COPS4: variants seen among roughly 807,000 people sequenced by gnomAD.
COPS4 encodes the protein COP9 signalosome subunit 4.
COPS4 carries 8 observed loss-of-function variants against 55.1 expected under a neutral mutation model. The observed-to-expected ratio is 0.15, with a 90% confidence interval of 0.09 to 0.26. The LOEUF is 0.26. Among genes scored for constraint, COPS4 ranks in the 10% least tolerant of loss-of-function variants. The pLI is 1.00. For synonymous variants in COPS4, 185 were observed against 165.7 expected (o/e 1.12, Z -0.90); for missense variants, 248 against 484.0 (o/e 0.51, Z 4.58).
At chr4:83,055,047 A>T (rs1730981605) in intron 4 of COPS4, among the ~76,000 whole-genome samples, 1 of 152,254 alleles carries the variant, frequency 6.6e-6, no homozygotes, top group South Asian at 2.1e-4. Flanking sequence ...ATTTGCATAA[A>T]TTTCTCCTCC....
chr4:83,035,688 T>G (rs979856046), intron 1 of COPS4: 1 of 177,916 alleles, frequency 5.6e-6, no homozygotes, highest in Non-Finnish European at 1.2e-5. Flanking sequence ...CTCCTCTTTT[T>G]TTTTGATTCA....
At chr4:83,036,126 A>G (rs1730410931) in intron 1 of COPS4, 2 of 152,180 alleles carry the variant, frequency 1.3e-5, no homozygotes, top group African/African-American at 4.8e-5. Context: ...ATGCCTCTCT[A>G]GGCCGGGTGC....
intron 6 of COPS4, among the ~76,000 whole-genome samples, chr4:83,059,809 G>A (rs566191917): frequency 4.5e-4 from 7 of 15,548 alleles, no homozygotes; most frequent in South Asian, 6.0e-3. Context: ...CCATTCTCCC[G>A]CCTCAGCCTC....
chr4:83,049,845 G>T, intron 3 of COPS4, 36 bp from the exon 4 acceptor site: 1 of 1,208,628 alleles, frequency 8.3e-7, no homozygotes, highest in Non-Finnish European at 1.2e-6. Context: ...ACTAATGTCA[G>T]TTGAAATAAT....
chr4:83,050,838 G>T (rs1368548725), intron 4 of COPS4, among the ~76,000 whole-genome samples: 1 of 152,124 alleles, frequency 6.6e-6, no homozygotes, highest in Admixed American at 6.6e-5. Context: ...AGTGAAATGA[G>T]GGGGAGCCAT....
intron 9 of COPS4, among the ~76,000 whole-genome samples, chr4:83,070,630 A>G (rs939121767): frequency 3.9e-5 from 6 of 152,046 alleles, no homozygotes; most frequent in African/African-American, 9.7e-5. Context: ...ATTTCTTACT[A>G]TCACCAACCT....
intron 1 of COPS4, among the ~76,000 whole-genome samples, chr4:83,037,699 G>T (rs1730461439): frequency 6.6e-6 from 1 of 151,558 alleles, no homozygotes; most frequent in Non-Finnish European, 1.5e-5. Flanking sequence ...GTTTTTGGGT[G>T]TTTTTTTTAG....
chr4:83,059,766 G>A (rs908526982), intron 6 of COPS4, among the ~76,000 whole-genome samples: 7 of 151,164 alleles, frequency 4.6e-5, no homozygotes, highest in African/African-American at 1.5e-4. Context: ...GCGCGATCTC[G>A]GCTCACTGCA....
At chr4:83,069,176 A>G (rs904776403) in intron 9 of COPS4, among the ~76,000 whole-genome samples, 6 of 152,132 alleles carry the variant, frequency 3.9e-5, no homozygotes, top group African/African-American at 1.2e-4. Flanking sequence ...CAGACAGGTA[A>G]GTGGATCCCT....
chr4:83,059,968 T>C (rs1301890948), intron 6 of COPS4, among the ~76,000 whole-genome samples: 1 of 152,092 alleles, frequency 6.6e-6, no homozygotes, highest in African/African-American at 2.4e-5. Flanking sequence ...TCCAAAGTGC[T>C]GGGATTACAG....
At chr4:83,066,649 T>C in intron 8 of COPS4, 96 bp downstream of exon 8, 1 of 628,258 alleles carries the variant, frequency 1.6e-6, no homozygotes. Flanking sequence ...CAACATTTAT[T>C]ATCTTCCAAC....
intron 4 of COPS4, among the ~76,000 whole-genome samples, chr4:83,052,523 C>T (rs79176073): frequency 4.8e-4 from 73 of 152,208 alleles, no homozygotes; most frequent in Non-Finnish European, 8.2e-4. Context: ...CTAGTTGTGA[C>T]AAGAAAAATG....
At chr4:83,045,513 C>A (rs1367272041) in intron 1 of COPS4, 113 bp from the exon 2 acceptor site, 8 of 758,658 alleles carry the variant, frequency 1.1e-5, no homozygotes, top group Non-Finnish European at 1.7e-5. Context: ...AAACCACAAA[C>A]TATAGTACTA....
chr4:83,043,893 A>G (rs1435468415), intron 1 of COPS4, among the ~76,000 whole-genome samples: 9 of 152,320 alleles, frequency 5.9e-5, no homozygotes, highest in African/African-American at 2.2e-4. Flanking sequence ...TTCTATCCGT[A>G]TATCTGCTTT....
At chr4:83,062,612 A>G (rs1406759074) in intron 6 of COPS4, among the ~76,000 whole-genome samples, 3 of 152,134 alleles carry the variant, frequency 2.0e-5, no homozygotes, top group African/African-American at 7.2e-5. Context: ...CCGTTCTGTT[A>G]CCAGTGATTT....
chr4:83,036,523 C>T (rs1024401666), intron 1 of COPS4, among the ~76,000 whole-genome samples: 7 of 152,094 alleles, frequency 4.6e-5, no homozygotes, highest in East Asian at 3.9e-4. Flanking sequence ...CTGCATTTTC[C>T]CACTCAGGAA....
intron 9 of COPS4, among the ~76,000 whole-genome samples, chr4:83,072,348 C>T (rs960132826): frequency 6.6e-6 from 1 of 152,212 alleles, no homozygotes; most frequent in African/African-American, 2.4e-5. Flanking sequence ...GATCAGCCTG[C>T]CTCAGCCTCC....
In COPS4 at chr4:83,075,802, T is replaced by C. The variant is rs1731557388; in HGVS notation, c.*372T>C. 6.1e-6 allele frequency: 1 copy of C among 164,940 alleles called. No homozygotes were observed. 10.2% of individuals were successfully genotyped at this position (164,940 alleles called of 1,614,324 possible). On this transcript the variant is annotated 3_prime_UTR_variant, in exon 10 of 10. Coordinates refer to ENST00000264389, the MANE Select transcript of COPS4 (RefSeq NM_016129.3). ...GGAGAAATGAGCCAAATAAAAGTAG[T>C]ACTTTGTTTTTAGTTAGCGAAGAGT...
intron 7 of COPS4, chr4:83,064,949 G>C (rs1731259628): frequency 5.1e-6 from 1 of 194,594 alleles, no homozygotes. Context: ...GCGCTGGCAT[G>C]ATGCCATAGC....
Sources: allele counts gnomAD v4.1 joint callset (sites outside exome capture counted in the v4.1 genomes callset), GRCh38; gene constraint gnomAD v4.1.1; transcripts MANE v1.5; gene names NCBI Gene and HGNC (gene_info 2026-07-23, HGNC 2026-07-21).